Variants in PPFIA3 observed in about 807,000 individuals in gnomAD.
PPFIA3 encodes the protein PPFI scaffold protein A3.
Under a neutral mutation model 145.8 loss-of-function variants are expected in PPFIA3, and 26 were observed. The ratio of observed to expected loss-of-function variants is 0.18; its 90% CI spans 0.13 to 0.25. The LOEUF (loss-of-function observed/expected upper bound fraction) is 0.25, where lower values mean the gene tolerates loss of function less well. PPFIA3 is among the 10% of genes least tolerant of loss of function. PPFIA3 has a pLI of 1.00. For synonymous variants in PPFIA3, 645 were observed against 661.4 expected, an observed-to-expected ratio of 0.98 and a Z score of 0.38; for missense variants, 1,008 against 1,587.8, an observed-to-expected ratio of 0.63 and a Z score of 6.21.
At position 49,149,752 on chromosome 19, in the gene PPFIA3, G is replaced by T; in HGVS notation, c.3526+34G>T. 1.3e-6 allele frequency: 2 copies of T among 1,574,168 alleles called. No homozygotes were observed. Among genetic ancestry groups the T allele is most frequent in the Non-Finnish European group, 1.7e-6 (2 of 1,162,734 alleles). ...CTCCCAAATGCGACAGCCCTTCCTCGCTTCCCTAGGGTGGGGCATGGACCA... is the reference window on the plus strand; with the variant it reads ...CTCCCAAATGCGACAGCCCTTCCTCTCTTCCCTAGGGTGGGGCATGGACCA... On this transcript the variant is annotated intron_variant, in intron 28 of 29. Coordinates refer to ENST00000334186, the MANE Select transcript of PPFIA3 (RefSeq NM_003660.4). This position sits in a 1 kb window ranked among gnomAD's most constrained non-coding sequence, Gnocchi z 5.7.
chr19:49,128,726 C>G lies in PPFIA3; in HGVS notation c.343-122C>G, dbSNP rs2041034275. The G allele has an allele frequency of 1.3e-5, 13 of 1,025,788 alleles. No homozygotes were observed. Among genetic ancestry groups the G allele is most frequent in the Non-Finnish European group, 1.4e-5 (10 of 704,382 alleles). The allele number at this position is 1,025,788 out of a possible 1,614,324, so 63.5% of individuals were successfully genotyped here. A position where few individuals can be genotyped will look rare whatever the true frequency, so the allele number is the denominator to read the frequency against. On this transcript the variant is annotated intron_variant, in intron 3 of 29. Coordinates refer to ENST00000334186, the MANE Select transcript of PPFIA3 (RefSeq NM_003660.4). This position sits in a 1 kb window ranked among gnomAD's most constrained non-coding sequence, Gnocchi z 4.1. ...CCTCCTCTCTTTTCCTGACCTGTCT[C>G]GGTGCTCCTTTATATGGCTCCATCT...
At chr19:49,125,151 A>T (rs1276281960) in intron 1 of PPFIA3, among the ~76,000 whole-genome samples, 1 of 152,064 alleles carries the variant, frequency 6.6e-6, no homozygotes, top group East Asian at 1.9e-4. Flanking sequence ...CTTTCCTCTG[A>T]GTGCTGGGAT....
In PPFIA3 at chr19:49,146,013, C is replaced by T; in HGVS notation, c.2808+8C>T. The T allele has an allele frequency of 6.2e-7, 1 of 1,613,782 alleles. No homozygotes were observed. The highest frequency in any genetic ancestry group is 8.5e-7 in the Non-Finnish European group (1 of 1,179,686). On this transcript the variant is annotated splice_region_variant and intron_variant, in intron 22 of 29. Coordinates refer to ENST00000334186, the MANE Select transcript of PPFIA3 (RefSeq NM_003660.4). Reference sequence around the variant, plus strand: ...ACGGCCACGACCAAGCCCGTGAGTGCCCCCTGCCGGCCGCCTTGGGGGTGG... The same window carrying T: ...ACGGCCACGACCAAGCCCGTGAGTGTCCCCTGCCGGCCGCCTTGGGGGTGG...
intron 20 of PPFIA3, 79 bp from the exon 21 acceptor site, chr19:49,142,725 C>A: frequency 2.3e-6 from 3 of 1,291,548 alleles, no homozygotes; most frequent in Non-Finnish European, 2.2e-6. Context: ...CCTTTCCCCA[C>A]CTCCCTGTTC....
chr19:49,148,603 G>A, intron 24 of PPFIA3, 63 bp from the exon 25 acceptor site: 2 of 1,319,616 alleles, frequency 1.5e-6, no homozygotes, highest in South Asian at 1.2e-5. Context: ...GGAGGGACCC[G>A]TAGGAGCAGC....
intron 21 of PPFIA3, chr19:49,145,741 A>G (rs550135908): frequency 8.3e-6 from 5 of 599,070 alleles, no homozygotes; most frequent in Admixed American, 2.9e-5. Context: ...TTCCAACCTG[A>G]ATTTGTTCAA....
rs771827519 is a variant in PPFIA3 at position 49,133,090 on chromosome 19, C to G, written c.969C>G (p.His323Gln). The change falls in exon 8 of 30, where the codon CAC (histidine) becomes CAG (glutamine). Residue 323 changes from histidine (H) to glutamine (Q), a missense_variant. By Grantham distance (24) the His-to-Gln change is conservative. Transcript: ENST00000334186. The surrounding 1 kb of genome is among the most constrained non-coding windows in gnomAD (Gnocchi z 7.2). Reference sequence around the variant, plus strand: ...CCCAGCGGGAGGCCACGTCTCTGCACGACGCCAACGACAAACTGGAGAACG... The same window carrying G: ...CCCAGCGGGAGGCCACGTCTCTGCAGGACGCCAACGACAAACTGGAGAACG... Reference protein sequence around the residue: ...LSAQREATSLHDANDKLENEL... With the variant: ...LSAQREATSLQDANDKLENEL... The G allele has an allele frequency of 1.2e-6, 2 of 1,612,724 alleles. No individual in the cohort carries two copies. Among genetic ancestry groups the G allele is most frequent in the Non-Finnish European group, 8.5e-7 (1 of 1,179,750 alleles).
chr19:49,135,996 G>A lies in PPFIA3; in HGVS notation c.1665+73G>A, dbSNP rs1023177589. ...AGCTGTAGGAAGTGGAACTAAATCT[G>A]TGGGGCTCCGGGAGGAAGCTGGGTT... On this transcript the variant is annotated intron_variant, in intron 14 of 29. Coordinates refer to ENST00000334186, the MANE Select transcript of PPFIA3 (RefSeq NM_003660.4). 4.2e-6 allele frequency: 6 copies of A among 1,417,590 alleles called. No individual in the cohort carries two copies. The African/African-American group carries it at 4.4e-5, about 10-fold the overall frequency. 87.8% of individuals were successfully genotyped at this position (1,417,590 alleles called of 1,614,324 possible).
At chr19:49,144,616 A>G (rs1393293304) in intron 21 of PPFIA3, among the ~76,000 whole-genome samples, 9 of 151,926 alleles carry the variant, frequency 5.9e-5, no homozygotes, top group African/African-American at 2.2e-4. Context: ...CAGGAGGCTG[A>G]GGTGGGAGGA....
Position 49,149,397 on chromosome 19 carries a change from CCTGA to C in PPFIA3, c.3354+75_3354+78del, listed in dbSNP as rs373742214. Reference sequence around the variant, plus strand: ...GAGAGGCTGAGCTGAGGGGGCGGGGCCTGACTATTAATGGTCACGGTTGGAGGCG... The same window carrying C: ...GAGAGGCTGAGCTGAGGGGGCGGGGCCTATTAATGGTCACGGTTGGAGGCG... On this transcript the variant is annotated intron_variant, in intron 27 of 29. Coordinates refer to ENST00000334186, the MANE Select transcript of PPFIA3 (RefSeq NM_003660.4). This position sits in a 1 kb window ranked among gnomAD's most constrained non-coding sequence, Gnocchi z 5.7. The C allele has an allele frequency of 1.0e-3, 1,611 of 1,598,484 alleles. 17 individuals are homozygous for C. In the African/African-American group the frequency reaches 0.019, roughly 19 times the overall value.
chr19:49,134,802 AT>A (rs746451665), intron 12 of PPFIA3, 33 bp from the exon 13 acceptor site: 2 of 1,605,678 alleles, frequency 1.2e-6, no homozygotes, highest in Non-Finnish European at 8.5e-7. Flanking sequence ...GGCGGAGCAG[AT>A]TCTAACCCGA....
rs1434283218 is a variant in PPFIA3, at chr19:49,148,277, G to A, written c.3011+19G>A. 6.2e-7 allele frequency: 1 copy of A among 1,609,896 alleles called. No homozygotes were observed. Among genetic ancestry groups the A allele is most frequent in the Non-Finnish European group, 8.5e-7 (1 of 1,177,622 alleles). Reference sequence around the variant, plus strand: ...TTCACAGGTGGGGGCTGCCTGGCCAGTGGGGACAGTCCAAAGGGAAGCCCC... The same window carrying A: ...TTCACAGGTGGGGGCTGCCTGGCCAATGGGGACAGTCCAAAGGGAAGCCCC... On this transcript the variant is annotated intron_variant, in intron 24 of 29. Coordinates refer to ENST00000334186, the MANE Select transcript of PPFIA3 (RefSeq NM_003660.4).
At chr19:49,129,515 C>A in intron 5 of PPFIA3, 61 bp downstream of exon 5, 1 of 1,529,524 alleles carries the variant, frequency 6.5e-7, no homozygotes, top group Non-Finnish European at 8.9e-7. Flanking sequence ...GGGCTGCCCA[C>A]GGGGCGGAGC....
At position 49,145,964 on chromosome 19, in the gene PPFIA3, A is replaced by T; in HGVS notation, c.2767A>T (p.Thr923Ser). 6.2e-7 allele frequency: 1 copy of T among 1,613,972 alleles called. No homozygotes were observed. Among genetic ancestry groups the T allele is most frequent in the South Asian group, 1.1e-5 (1 of 91,078 alleles). ...SRTSTGNVWM[T>S]HEEMESLTAT... ...TCAGTCCACAGGAAACGTGTGGATG[A>T]CACACGAGGAGATGGAGTCCCTTAC... The change falls in exon 22 of 30, where the codon ACA becomes TCA. Residue 923 changes from threonine to serine, a missense_variant. Thr to Ser is a moderately conservative substitution (Grantham distance 58). Coordinates refer to ENST00000334186, the MANE Select transcript of PPFIA3 (RefSeq NM_003660.4).
chr19:49,136,119 C>T (rs2041134313), intron 14 of PPFIA3, among the ~76,000 whole-genome samples, 196 bp downstream of exon 14: 1 of 152,186 alleles, frequency 6.6e-6, no homozygotes, highest in Admixed American at 6.5e-5. Flanking sequence ...TGTCCTGCCA[C>T]CTGGTGAGAA....
chr19:49,128,120 G>A lies in PPFIA3; in HGVS notation c.240+7G>A, dbSNP rs2041025606. ...CAGCATCGCGCTGCCCCAGGTCTGGGCGGGACAGGGGCGGGGCATGAGGGG... is the reference window on the plus strand; with the variant it reads ...CAGCATCGCGCTGCCCCAGGTCTGGACGGGACAGGGGCGGGGCATGAGGGG... On this transcript the variant is annotated splice_region_variant and intron_variant, in intron 2 of 29. Transcript: ENST00000334186. The surrounding 1 kb of genome is among the most constrained non-coding windows in gnomAD (Gnocchi z 4.1). The A allele has an allele frequency of 6.5e-7, 1 of 1,533,218 alleles. No homozygotes were observed. The allele number at this position is 1,533,218 out of a possible 1,614,324, so 95.0% of individuals were successfully genotyped here. A position where few individuals can be genotyped will look rare whatever the true frequency, so the allele number is the denominator to read the frequency against.
Position 49,148,258 on chromosome 19 carries a change from G to C in PPFIA3, c.3011G>C (p.Arg1004Thr). Residue 1004 changes from arginine (R) to threonine (T), a missense_variant and splice_region_variant, in exon 24 of 30, where the codon AGG becomes ACG. Coordinates refer to ENST00000334186, the MANE Select transcript of PPFIA3 (RefSeq NM_003660.4). ...GQLKMVDSFH[R>T]VSLHYGIMCL... ...CTCAAGATGGTGGACAGCTTTCACAGGTGGGGGCTGCCTGGCCAGTGGGGA... is the reference window on the plus strand; with the variant it reads ...CTCAAGATGGTGGACAGCTTTCACACGTGGGGGCTGCCTGGCCAGTGGGGA... 6.2e-7 allele frequency: 1 copy of C among 1,613,168 alleles called. No homozygotes were observed. Among genetic ancestry groups the C allele is most frequent in the Non-Finnish European group, 8.5e-7 (1 of 1,179,362 alleles).
intron 11 of PPFIA3, 50 bp from the exon 12 acceptor site, chr19:49,134,589 G>A (rs533314144): frequency 1.9e-6 from 3 of 1,557,914 alleles, no homozygotes; most frequent in East Asian, 2.2e-5. Context: ...GCAGCCCCAC[G>A]GGCGTGGCCC....
rs779626132 is a variant in PPFIA3, at chr19:49,149,182, G to A, written c.3285+14G>A. The stretch of plus-strand genomic sequence containing the variant: ...CAGAATGCACAGGTGAGCTGCCGCT[G>A]GGCCCGGAGCATGCTGGGCGTCCCC... On this transcript the variant is annotated intron_variant, in intron 26 of 29. Transcript: ENST00000334186. This position sits in a 1 kb window ranked among gnomAD's most constrained non-coding sequence, Gnocchi z 5.7. 1 of 1,613,842 alleles carries A rather than the reference G, an allele frequency of 6.2e-7. No homozygotes were observed. The highest frequency in any genetic ancestry group is 8.5e-7 in the Non-Finnish European group (1 of 1,179,882).
Sources: allele counts gnomAD v4.1 joint callset (sites outside exome capture counted in the v4.1 genomes callset), GRCh38; gene constraint gnomAD v4.1.1; non-coding constraint Gnocchi (gnomAD v3.1); transcripts MANE v1.5; gene names NCBI Gene and HGNC (gene_info 2026-07-23, HGNC 2026-07-21).